The following PTPRD variants were observed in gnomAD, a reference collection of about 807,000 sequenced individuals.
The protein encoded by PTPRD is receptor-type tyrosine-protein phosphatase delta.
A neutral mutation model predicts 214.5 loss-of-function variants in PTPRD; 34 were observed. The ratio of observed to expected loss-of-function variants is 0.16; its 90% confidence interval spans 0.12 to 0.21. PTPRD has a LOEUF of 0.21. PTPRD is among the 10% of genes least tolerant of loss of function. The pLI is 1.00. For synonymous variants in PTPRD, 1,128 were observed against 845.7 expected (o/e 1.33, Z -5.79); for missense variants, 2,545 against 2,398.7 (o/e 1.06, Z -1.27).
chr9:10,275,431 G>C (rs979963502), intron 3 of PTPRD, among the ~76,000 whole-genome samples: 4 of 147,992 alleles, frequency 2.7e-5, no homozygotes, highest in Admixed American at 6.6e-5. Context: ...GGATGAGAGA[G>C]AGAAAAAGAG....
intron 2 of PTPRD, among the ~76,000 whole-genome samples, chr9:10,357,585 T>C (rs1367738616): frequency 1.3e-5 from 2 of 152,216 alleles, no homozygotes; most frequent in Non-Finnish European, 2.9e-5. Flanking sequence ...GCTGAAAACA[T>C]ACTGGTTTAA....
At chr9:10,113,729 G>C (rs577856307) in intron 3 of PTPRD, among the ~76,000 whole-genome samples, 1 of 152,296 alleles carries the variant, frequency 6.6e-6, no homozygotes, top group African/African-American at 2.4e-5. Context: ...TTAAGACAAT[G>C]CTTCGCCACT....
chr9:10,016,393 A>ATAGGTAGG (rs145613848), intron 4 of PTPRD, among the ~76,000 whole-genome samples: 3 of 149,902 alleles, frequency 2.0e-5, no homozygotes, highest in South Asian at 2.1e-4. Context: ...AGATAGATAG[A>ATAGGTAGG]TAGACAGATA....
chr9:9,742,348 G>GT (rs560501539), intron 6 of PTPRD, among the ~76,000 whole-genome samples: 29 of 152,034 alleles, frequency 1.9e-4, no homozygotes, highest in African/African-American at 7.0e-4. Flanking sequence ...CCAAGAGCAT[G>GT]TAAAAAGAAA....
At chr9:9,233,055 G>C (rs1357998294) in intron 9 of PTPRD, among the ~76,000 whole-genome samples, 2 of 152,050 alleles carry the variant, frequency 1.3e-5, no homozygotes, top group Non-Finnish European at 2.9e-5. Context: ...CTCAGTCCCT[G>C]GGAATAAGGA....
chr9:9,452,891 A>C (rs2092442618), intron 8 of PTPRD, among the ~76,000 whole-genome samples: 1 of 151,608 alleles, frequency 6.6e-6, no homozygotes, highest in Non-Finnish European at 1.5e-5. Context: ...GAGATAAATC[A>C]CAAAACAAGC....
chr9:8,693,679 G>C (rs1264386258), intron 12 of PTPRD, among the ~76,000 whole-genome samples: 1 of 152,150 alleles, frequency 6.6e-6, no homozygotes, highest in East Asian at 1.9e-4. Context: ...TGTTAATCAA[G>C]GTAAGTGAGC....
At chr9:9,831,821 G>C (rs1278466575) in intron 5 of PTPRD, among the ~76,000 whole-genome samples, 1 of 151,890 alleles carries the variant, frequency 6.6e-6, no homozygotes, top group African/African-American at 2.4e-5. Context: ...TTTAGATCAG[G>C]TTCAATTTAT....
At chr9:9,670,563 C>T (rs1014216084) in intron 7 of PTPRD, among the ~76,000 whole-genome samples, 1 of 152,164 alleles carries the variant, frequency 6.6e-6, no homozygotes, top group African/African-American at 2.4e-5. Flanking sequence ...CAGCCCCTCC[C>T]ATCACAGGCC....
chr9:9,921,686 C>G (rs2082582780), intron 5 of PTPRD, among the ~76,000 whole-genome samples: 1 of 149,256 alleles, frequency 6.7e-6, no homozygotes, highest in Admixed American at 6.7e-5. Context: ...GTATCAATCT[C>G]TTTTCCTTCT....
At chr9:8,510,956 C>T (rs2097666773) in intron 21 of PTPRD, among the ~76,000 whole-genome samples, 1 of 151,966 alleles carries the variant, frequency 6.6e-6, no homozygotes, top group Non-Finnish European at 1.5e-5. Flanking sequence ...AATTTTTATA[C>T]CAAATATTGG....
At chr9:9,367,779 G>C (rs1035737185) in intron 9 of PTPRD, among the ~76,000 whole-genome samples, 2 of 151,676 alleles carry the variant, frequency 1.3e-5, no homozygotes, top group Admixed American at 1.3e-4. Flanking sequence ...AATTTGCAAA[G>C]CAATCTGAGA....
At chr9:10,538,904 GT>G (rs1016544158) in intron 2 of PTPRD, among the ~76,000 whole-genome samples, 1 of 152,108 alleles carries the variant, frequency 6.6e-6, no homozygotes, top group African/African-American at 2.4e-5. Flanking sequence ...TTTCTCAGAA[GT>G]TTAAGGTGTT....
chr9:8,955,025 A>G (rs1227141496), intron 11 of PTPRD, among the ~76,000 whole-genome samples: 1 of 151,842 alleles, frequency 6.6e-6, no homozygotes, highest in Non-Finnish European at 1.5e-5. Flanking sequence ...ATATTGAAAA[A>G]TTAGGCAGCA....
chr9:9,869,857 G>A (rs527564192), intron 5 of PTPRD, among the ~76,000 whole-genome samples: 1 of 151,980 alleles, frequency 6.6e-6, no homozygotes, highest in East Asian at 1.9e-4. Context: ...CAAACCAACT[G>A]TAAAAATACA....
chr9:10,042,707 C>T (rs763790106), intron 3 of PTPRD, among the ~76,000 whole-genome samples: 1 of 151,860 alleles, frequency 6.6e-6, no homozygotes, highest in African/African-American at 2.4e-5. Context: ...AATAGAAAGA[C>T]TGAAGGCTAC....
chr9:10,273,023 G>A (rs1316476229), intron 3 of PTPRD, among the ~76,000 whole-genome samples: 2 of 152,150 alleles, frequency 1.3e-5, no homozygotes, highest in African/African-American at 2.4e-5. Context: ...AGGAAAAATT[G>A]GCTTTTCCCA....
intron 5 of PTPRD, among the ~76,000 whole-genome samples, chr9:9,856,470 C>T (rs1283013822): frequency 6.6e-6 from 1 of 152,084 alleles, no homozygotes; most frequent in Non-Finnish European, 1.5e-5. Flanking sequence ...AAAAGAAATG[C>T]ATCCAGTGTA....
chr9:8,834,566 T>A (rs1477247771), intron 11 of PTPRD, among the ~76,000 whole-genome samples: 1 of 152,184 alleles, frequency 6.6e-6, no homozygotes, highest in Non-Finnish European at 1.5e-5. Flanking sequence ...AAAATTGATT[T>A]TTTGACTATC....
Sources: gnomAD v4.1 joint callset for allele counts (sites outside exome capture counted in the v4.1 genomes callset) on GRCh38, gnomAD v4.1.1 for gene constraint, MANE v1.5 for transcripts, NCBI Gene and HGNC (gene_info 2026-07-23, HGNC 2026-07-21) for gene names.